TMEM182: variants seen among roughly 807,000 people sequenced by gnomAD.
TMEM182 encodes the protein transmembrane protein 182.
In TMEM182, 20 loss-of-function variants were observed where a neutral mutation model predicts 26.8. That is an observed-to-expected ratio of 0.75 (90% CI 0.53 to 1.09). The LOEUF (loss-of-function observed/expected upper bound fraction) is 1.09. Ranked by LOEUF, TMEM182 falls within the 50% of genes least tolerant of loss-of-function variation. The pLI is 0.00. For synonymous variants in TMEM182, 109 were observed against 102.2 expected, an observed-to-expected ratio of 1.07 and a Z score of -0.40; for missense variants, 277 against 275.5, an observed-to-expected ratio of 1.01 and a Z score of -0.04.
intron 1 of TMEM182, among the ~76,000 whole-genome samples, chr2:102,740,024 A>G (rs1182249507): frequency 6.6e-6 from 1 of 152,196 alleles, no homozygotes; most frequent in Non-Finnish European, 1.5e-5. Context: ...AGACCTGTAC[A>G]CTGAAAAATA....
intron 3 of TMEM182, among the ~76,000 whole-genome samples, chr2:102,769,469 A>G (rs1680589485): frequency 6.6e-6 from 1 of 152,126 alleles, no homozygotes; most frequent in Non-Finnish European, 1.5e-5. Flanking sequence ...TCAAACAATA[A>G]GTATTATTTT....
chr2:102,737,764 A>G (rs759024440), intron 1 of TMEM182, among the ~76,000 whole-genome samples: 1 of 152,258 alleles, frequency 6.6e-6, no homozygotes, highest in African/African-American at 2.4e-5. Flanking sequence ...AGCAAAGCCC[A>G]TGACACATGG....
At chr2:102,798,994 AG>A (rs1315093488) in intron 4 of TMEM182, among the ~76,000 whole-genome samples, 1 of 152,244 alleles carries the variant, frequency 6.6e-6, no homozygotes, top group East Asian at 1.9e-4. Flanking sequence ...TGAAGAGGTG[AG>A]TCTTGTGAAT....
intron 4 of TMEM182, among the ~76,000 whole-genome samples, chr2:102,807,901 C>T (rs1558784331): frequency 6.6e-6 from 1 of 152,170 alleles, no homozygotes; most frequent in Non-Finnish European, 1.5e-5. Context: ...AATATATTAA[C>T]TCTCTATGCT....
intron 3 of TMEM182, among the ~76,000 whole-genome samples, chr2:102,768,090 G>T (rs1680525136): frequency 6.6e-6 from 1 of 152,098 alleles, no homozygotes; most frequent in African/African-American, 2.4e-5. Context: ...CATGCACTGG[G>T]CCATGCTCTC....
At chr2:102,832,369 C>T (rs996943323) in intron 3 of TMEM182, among the ~76,000 whole-genome samples, 1 of 152,118 alleles carries the variant, frequency 6.6e-6, no homozygotes, top group African/African-American at 2.4e-5. Flanking sequence ...CAATTCTCAT[C>T]GAAAAAGACC....
intron 3 of TMEM182, among the ~76,000 whole-genome samples, chr2:102,831,621 G>A (rs894172070): frequency 6.6e-6 from 1 of 152,180 alleles, no homozygotes; most frequent in Non-Finnish European, 1.5e-5. Flanking sequence ...GCTCAGTGCG[G>A]TGGTACATGC....
In TMEM182 at chr2:102,839,333, G is replaced by A. The variant is rs767327310; in HGVS notation, c.326-4079G>A. Among the ~76,000 whole-genome samples the A allele has an allele frequency of 6.6e-5, 10 of 151,742 alleles. No individual in the cohort carries two copies. In the East Asian group the frequency reaches 1.6e-3, roughly 24 times the overall value. ...CACATCTGGATTAGCGCTGATTTCCGATTTCTTTGCTTTTAGTGGCTTCAC... is the reference window on the plus strand; with the variant it reads ...CACATCTGGATTAGCGCTGATTTCCAATTTCTTTGCTTTTAGTGGCTTCAC... On this transcript the variant is annotated intron_variant, in intron 3 of 3. Transcript: ENST00000486293.
intron 1 of TMEM182, among the ~76,000 whole-genome samples, chr2:102,743,161 A>C (rs970805275): frequency 6.6e-6 from 1 of 152,218 alleles, no homozygotes; most frequent in South Asian, 2.1e-4. Context: ...GCATTTCGAA[A>C]TACAAAGTCA....
At chr2:102,820,382 A>G (rs1000393170), downstream of TMEM182, among the ~76,000 whole-genome samples, 1 of 152,210 alleles carries the variant, frequency 6.6e-6, no homozygotes, top group Non-Finnish European at 1.5e-5. Context: ...CAAAACAGAC[A>G]TGGTCTTTTT....
chr2:102,754,793 T>C (rs1392673779), intron 1 of TMEM182, among the ~76,000 whole-genome samples: 1 of 152,210 alleles, frequency 6.6e-6, no homozygotes, highest in Non-Finnish European at 1.5e-5. Flanking sequence ...TTGCTTATGA[T>C]CACTTAATAA....
In TMEM182 at chr2:102,815,430, A is replaced by G; in HGVS notation, c.*462A>G. Reference sequence around the variant, plus strand: ...GCCCACACAGATAATATCCACATACACATTCACTGGCTCTTGTGAGCAAAT... The same window carrying G: ...GCCCACACAGATAATATCCACATACGCATTCACTGGCTCTTGTGAGCAAAT... On this transcript the variant is annotated 3_prime_UTR_variant, in exon 5 of 5. Transcript: ENST00000412401. 2.0e-6 allele frequency: 2 copies of G among 990,250 alleles called. No individual in the cohort carries two copies. 61.3% of individuals were successfully genotyped at this position (990,250 alleles called of 1,614,324 possible).
chr2:102,827,008 T>C (rs1304491093), intron 3 of TMEM182, among the ~76,000 whole-genome samples: 4 of 152,248 alleles, frequency 2.6e-5, no homozygotes, highest in African/African-American at 9.6e-5. Context: ...ACTGCTCCCC[T>C]GCACCTCAGC....
At chr2:102,787,809 C>G (rs1681461203) in intron 3 of TMEM182, among the ~76,000 whole-genome samples, 1 of 152,166 alleles carries the variant, frequency 6.6e-6, no homozygotes, top group Non-Finnish European at 1.5e-5. Context: ...AATCTTGAAC[C>G]TATCCTTTAC....
chr2:102,746,798 A>G (rs1679713598), intron 1 of TMEM182, among the ~76,000 whole-genome samples: 2 of 152,158 alleles, frequency 1.3e-5, no homozygotes, highest in Admixed American at 1.3e-4. Context: ...CATGTTGGCC[A>G]GGCTGGTCTC....
chr2:102,824,533 T>A (rs1161119450), intron 3 of TMEM182, among the ~76,000 whole-genome samples: 4 of 152,094 alleles, frequency 2.6e-5, no homozygotes, highest in Non-Finnish European at 5.9e-5. Context: ...CCATGTAAGA[T>A]GTACCTGCTG....
upstream of TMEM182, among the ~76,000 whole-genome samples, chr2:102,760,603 T>G (rs72828087): frequency 0.049 from 7,353 of 151,516 alleles, 274 homozygotes; most frequent in Non-Finnish European, 0.072. Flanking sequence ...TCTATTCATG[T>G]TTTTTTTTGT....
intron 3 of TMEM182, among the ~76,000 whole-genome samples, chr2:102,767,542 C>T (rs1055848481): frequency 6.6e-5 from 10 of 152,070 alleles, no homozygotes; most frequent in Admixed American, 2.0e-4. Context: ...TAATTTTTTG[C>T]CTTCTCAGTG....
intron 3 of TMEM182, among the ~76,000 whole-genome samples, chr2:102,765,209 G>C (rs1028751616): frequency 6.6e-6 from 1 of 152,088 alleles, no homozygotes; most frequent in Non-Finnish European, 1.5e-5. Flanking sequence ...GAGAGTGAGA[G>C]AGAGTGATTG....
Sources: gnomAD v4.1 joint callset for allele counts (sites outside exome capture counted in the v4.1 genomes callset) on GRCh38, gnomAD v4.1.1 for gene constraint, MANE v1.5 for transcripts, NCBI Gene and HGNC (gene_info 2026-07-23, HGNC 2026-07-21) for gene names.